The following PDE4D variants were observed in gnomAD, a reference collection of about 807,000 sequenced individuals.
PDE4D encodes phosphodiesterase 4D, also known as 3',5'-cyclic-AMP phosphodiesterase 4D.
A neutral mutation model predicts 87.4 loss-of-function variants in PDE4D; 24 were observed. The ratio of observed to expected loss-of-function variants is 0.27; its 90% CI spans 0.20 to 0.39. The LOEUF is 0.39. PDE4D is among the 10% of genes least tolerant of loss of function. The probability of loss-of-function intolerance (pLI) is 1.00; values close to 1 mark genes in which losing one functional copy is unlikely to be tolerated. For missense variants in PDE4D, 714 were observed against 1,041.0 expected (o/e 0.69, Z 4.32); for synonymous variants, 384 against 383.2 (o/e 1.00, Z -0.02).
At chr5:59,307,449 G>A (rs1024165306) in intron 1 of PDE4D, among the ~76,000 whole-genome samples, 46 of 152,022 alleles carry the variant, frequency 3.0e-4, no homozygotes, top group East Asian at 5.8e-4. Context: ...GAAAATTTTC[G>A]CAACCTACTC....
chr5:59,417,639 T>A (rs1006559629), intron 1 of PDE4D, among the ~76,000 whole-genome samples: 9 of 152,098 alleles, frequency 5.9e-5, no homozygotes, highest in African/African-American at 2.2e-4. Context: ...TTCTTTCCAG[T>A]GACAGAGTAC....
chr5:59,063,879 C>A (rs911683187), intron 5 of PDE4D, among the ~76,000 whole-genome samples: 5 of 152,012 alleles, frequency 3.3e-5, no homozygotes. Context: ...ATAGTCTTGG[C>A]ACTTTGGTAT....
intron 1 of PDE4D, among the ~76,000 whole-genome samples, chr5:59,467,963 T>G (rs183199552): frequency 0.01 from 1,373 of 131,090 alleles, 19 homozygotes; most frequent in African/African-American, 0.046. Flanking sequence ...AAAATACTGG[T>G]TTTTTTTTCT....
intron 1 of PDE4D, among the ~76,000 whole-genome samples, chr5:60,234,169 A>C (rs773831547): frequency 2.6e-5 from 4 of 151,852 alleles, no homozygotes; most frequent in Non-Finnish European, 5.9e-5. Flanking sequence ...TCTATTCTGG[A>C]CACTTCATAT....
chr5:59,586,518 A>AAC, intron 1 of PDE4D: 1 of 1,448,246 alleles, frequency 6.9e-7, no homozygotes. Flanking sequence ...AAAAAAAAAA[A>AAC]AAATCTCCCC....
chr5:60,039,267 G>T (rs1768179383), intron 2 of PDE4D, among the ~76,000 whole-genome samples: 1 of 151,980 alleles, frequency 6.6e-6, no homozygotes, highest in South Asian at 2.1e-4. Context: ...ATAAAAAAAT[G>T]AGTTCATGTC....
chr5:59,974,227 A>G (rs1761075627), intron 3 of PDE4D, among the ~76,000 whole-genome samples: 2 of 152,204 alleles, frequency 1.3e-5, no homozygotes, highest in African/African-American at 4.8e-5. Context: ...ATAGTATTTA[A>G]GAATATATAA....
chr5:59,641,918 GAATT>G (rs1580094016), intron 1 of PDE4D, among the ~76,000 whole-genome samples: 1 of 152,066 alleles, frequency 6.6e-6, no homozygotes, highest in Admixed American at 6.5e-5. Flanking sequence ...ACTTATCTAG[GAATT>G]AATACTAAAG....
intron 6 of PDE4D, among the ~76,000 whole-genome samples, chr5:59,038,232 T>C (rs888841740): frequency 6.6e-6 from 1 of 152,210 alleles, no homozygotes; most frequent in African/African-American, 2.4e-5. Context: ...CCTTAGCACA[T>C]ATGGCACAGA....
chr5:59,166,729 C>T (rs777531355), intron 5 of PDE4D, among the ~76,000 whole-genome samples: 24 of 152,156 alleles, frequency 1.6e-4, no homozygotes, highest in Non-Finnish European at 2.9e-4. Context: ...ATTTGACATT[C>T]TGTCTGGTGA....
intron 1 of PDE4D, among the ~76,000 whole-genome samples, chr5:60,448,480 C>T (rs1386336337): frequency 6.6e-6 from 1 of 152,132 alleles, no homozygotes; most frequent in African/African-American, 2.4e-5. Flanking sequence ...ACTCAATAAT[C>T]ACACCAGCAG....
chr5:59,091,421 C>A (rs189141564), intron 5 of PDE4D, among the ~76,000 whole-genome samples: 1 of 152,014 alleles, frequency 6.6e-6, no homozygotes, highest in Non-Finnish European at 1.5e-5. Flanking sequence ...ATTGTGGTTC[C>A]TTTATACAAC....
chr5:59,631,665 C>A (rs1831578458), intron 1 of PDE4D, among the ~76,000 whole-genome samples: 1 of 152,170 alleles, frequency 6.6e-6, no homozygotes, highest in African/African-American at 2.4e-5. Context: ...CCCTCCTCTA[C>A]CCAAGGGAAG....
At chr5:59,775,587 A>T (rs1039626790) in intron 1 of PDE4D, among the ~76,000 whole-genome samples, 1 of 152,226 alleles carries the variant, frequency 6.6e-6, no homozygotes, top group African/African-American at 2.4e-5. Context: ...AAGATTTTCA[A>T]ACTCCCCAAA....
At chr5:60,211,389 C>T (rs2149573897) in intron 1 of PDE4D, among the ~76,000 whole-genome samples, 1 of 151,424 alleles carries the variant, frequency 6.6e-6, no homozygotes, top group African/African-American at 2.4e-5. Flanking sequence ...GGTCCAGATC[C>T]CATTTCATAT....
At chr5:59,768,654 T>TCAGTCTCTCTGTA in intron 1 of PDE4D, 1 of 1,506,064 alleles carries the variant, frequency 6.6e-7, no homozygotes, top group Non-Finnish European at 8.8e-7. Context: ...CTGTAGAGCC[T>TCAGTCTCTCTGTA]GGGGCTGGGT....
chr5:60,269,977 C>T (rs1393504449), intron 1 of PDE4D, among the ~76,000 whole-genome samples: 1 of 152,146 alleles, frequency 6.6e-6, no homozygotes, highest in Non-Finnish European at 1.5e-5. Context: ...TATCTGAGAA[C>T]TTGAACCAGG....
intron 3 of PDE4D, among the ~76,000 whole-genome samples, chr5:59,983,267 A>G (rs1430873373): frequency 6.6e-6 from 1 of 152,090 alleles, no homozygotes; most frequent in Admixed American, 6.6e-5. Flanking sequence ...CTTGTCTCCA[A>G]GTGAAATTGC....
At chr5:59,220,713 C>T (rs888064028) in intron 1 of PDE4D, among the ~76,000 whole-genome samples, 5 of 151,994 alleles carry the variant, frequency 3.3e-5, no homozygotes, top group African/African-American at 1.2e-4. Context: ...TAGTCCACAT[C>T]GTGGTGTTAT....
Sources: allele counts gnomAD v4.1 joint callset (sites outside exome capture counted in the v4.1 genomes callset), GRCh38; gene constraint gnomAD v4.1.1; transcripts MANE v1.5; gene names NCBI Gene and HGNC (gene_info 2026-07-23, HGNC 2026-07-21).